Variants in PRDM14 observed in about 807,000 individuals in gnomAD.
PRDM14 encodes the protein PR domain zinc finger protein 14.
Under a neutral mutation model 48.0 loss-of-function variants are expected in PRDM14, and 16 were observed. That is an observed-to-expected ratio of 0.33 (90% CI 0.23 to 0.51). The LOEUF is 0.51. Among genes scored for constraint, PRDM14 ranks in the 20% least tolerant of loss-of-function variants. The pLI is 0.97. For synonymous variants in PRDM14, 264 were observed against 276.6 expected (o/e 0.95, Z 0.45); for missense variants, 566 against 719.6 (o/e 0.79, Z 2.44).
chr8:70,069,044 C>T (rs1585655119), intron 2 of PRDM14, 117 bp downstream of exon 2: 2 of 784,830 alleles, frequency 2.5e-6, no homozygotes, highest in Non-Finnish European at 4.0e-6. Context: ...GGAGGTACTT[C>T]CCCCTTCCCG....
At chr8:70,053,467 T>C (rs929861191) in intron 7 of PRDM14, among the ~76,000 whole-genome samples, 2 of 152,140 alleles carry the variant, frequency 1.3e-5, no homozygotes, top group Admixed American at 1.3e-4. Context: ...CTTGGCTCAC[T>C]GCAACCTCCA....
At chr8:70,070,179 G>A (rs1805742868) in intron 1 of PRDM14, among the ~76,000 whole-genome samples, 1 of 152,088 alleles carries the variant, frequency 6.6e-6, no homozygotes, top group African/African-American at 2.4e-5. Flanking sequence ...CCCTAAGCCC[G>A]GCCGCCTTCC....
intron 5 of PRDM14, among the ~76,000 whole-genome samples, chr8:70,061,664 A>G (rs1042198982): frequency 6.6e-6 from 1 of 152,190 alleles, no homozygotes; most frequent in African/African-American, 2.4e-5. Context: ...CAATTTTACA[A>G]ACCTAAGCAC....
chr8:70,054,810 C>T (rs574785556), intron 7 of PRDM14, among the ~76,000 whole-genome samples: 18 of 151,380 alleles, frequency 1.2e-4, no homozygotes, highest in African/African-American at 2.7e-4. Context: ...TGAGCCACCA[C>T]GCCTCCCCAC....
rs1243625483 is a variant in PRDM14, at chr8:70,069,622, G to C, written c.239C>G (p.Pro80Arg). 1.4e-5 allele frequency: 22 copies of C among 1,577,586 alleles called. No homozygotes were observed. The highest frequency in any genetic ancestry group is 1.9e-5 in the Non-Finnish European group (22 of 1,162,218). ...AGGCTCCCTCTGTAGGCCCAGACCC[G>C]GGCTCAGCAAGGGAGGCGCCATCCG... ...PFRMAPPLLS[P>R]GLGLQREPLY... The change falls in exon 2 of 8, where the codon CCG (proline) becomes CGG (arginine). Residue 80 changes from proline (P) to arginine (R), a missense_variant. This residue lies in a region of PRDM14 where 410 missense variants were observed against 424.6 expected (regional missense o/e 0.97). Transcript: ENST00000276594.
intron 6 of PRDM14, among the ~76,000 whole-genome samples, chr8:70,056,512 C>T (rs767365230): frequency 3.3e-5 from 5 of 152,124 alleles, no homozygotes; most frequent in African/African-American, 1.2e-4. Context: ...GGCAGAGCCT[C>T]GCTCTGTTGC....
At chr8:70,066,731 T>C (rs1003959140) in intron 4 of PRDM14, among the ~76,000 whole-genome samples, 1 of 152,108 alleles carries the variant, frequency 6.6e-6, no homozygotes, top group African/African-American at 2.4e-5. Context: ...ATTGGGTTTG[T>C]TTGTTTTTTT....
At chr8:70,070,238 AT>A (rs1451930994) in intron 1 of PRDM14, among the ~76,000 whole-genome samples, 1 of 151,992 alleles carries the variant, frequency 6.6e-6, no homozygotes, top group Non-Finnish European at 1.5e-5. Flanking sequence ...TGCAAAACCC[AT>A]TGAAGTTCCC....
intron 7 of PRDM14, among the ~76,000 whole-genome samples, chr8:70,054,515 ATTTTTTT>A (rs561179179): frequency 8.7e-6 from 1 of 115,028 alleles, no homozygotes. Context: ...TGAAATAGTG[ATTTTTTT>A]TTTTTTTTTT....
chr8:70,053,600 G>C (rs1805424620), intron 7 of PRDM14, among the ~76,000 whole-genome samples: 1 of 152,088 alleles, frequency 6.6e-6, no homozygotes, highest in African/African-American at 2.4e-5. Context: ...TGTCGGCCAG[G>C]CTGGTTTCAA....
At chr8:70,058,524 T>C (rs1341373254) in intron 6 of PRDM14, 116 bp downstream of exon 6, 1 of 814,262 alleles carries the variant, frequency 1.2e-6, no homozygotes, top group Admixed American at 2.0e-5. Flanking sequence ...TCAGAGAGGG[T>C]GTCCGTCAGG....
At chr8:70,064,606 G>A (rs547728141) in intron 5 of PRDM14, among the ~76,000 whole-genome samples, 1 of 147,546 alleles carries the variant, frequency 6.8e-6, no homozygotes, top group Admixed American at 6.9e-5. Context: ...CTCACTGCAA[G>A]CTCCCCCTGC....
chr8:70,064,670 G>A (rs1411410136), intron 5 of PRDM14, among the ~76,000 whole-genome samples: 1 of 151,774 alleles, frequency 6.6e-6, no homozygotes, highest in Non-Finnish European at 1.5e-5. Flanking sequence ...GACTACAGGG[G>A]CCCGCCACCA....
chr8:70,058,918 T>C (rs1805525274), intron 5 of PRDM14, 76 bp from the exon 6 acceptor site: 1 of 1,226,202 alleles, frequency 8.2e-7, no homozygotes, highest in Non-Finnish European at 1.1e-6. Context: ...TTTATTTATT[T>C]ATTTATTTTT....
rs148902231 is a variant in PRDM14, at chr8:70,069,207, G to T, written c.654C>A (p.Ser218Arg). ...GVTPSLEHPA[S>R]LHHAISGLLV... ...GGAGGCCTGAAATCGCATGGTGCAG[G>T]CTGGCTGGGTGCTCCAGGCTGGGAG... Residue 218 changes from serine (S) to arginine (R), a missense_variant, in exon 2 of 8, where the codon AGC becomes AGA. This residue lies in a region of PRDM14 where 410 missense variants were observed against 424.6 expected (regional missense o/e 0.97). Transcript: ENST00000276594. 9.6e-6 allele frequency: 15 copies of T among 1,563,466 alleles called. 1 individual carries two copies. The South Asian group carries it at 1.5e-4, about 16-fold the overall frequency.
chr8:70,059,978 A>G (rs2131037867), intron 5 of PRDM14, among the ~76,000 whole-genome samples: 1 of 151,948 alleles, frequency 6.6e-6, no homozygotes, highest in African/African-American at 2.4e-5. Flanking sequence ...CTGTAATCCC[A>G]GCTACTTGGG....
intron 5 of PRDM14, among the ~76,000 whole-genome samples, chr8:70,064,415 T>A (rs1258524718): frequency 6.6e-6 from 1 of 151,984 alleles, no homozygotes; most frequent in Non-Finnish European, 1.5e-5. Context: ...TTCCTCTCAG[T>A]CAGTACGCAC....
intron 6 of PRDM14, among the ~76,000 whole-genome samples, chr8:70,057,021 G>A (rs1338255136): frequency 1.2e-4 from 18 of 149,342 alleles, no homozygotes; most frequent in African/African-American, 4.2e-4. Context: ...GCTGGAGTGC[G>A]GTGGCGCGAT....
chr8:70,056,123 A>C (rs1422413997), intron 6 of PRDM14, among the ~76,000 whole-genome samples: 1 of 152,268 alleles, frequency 6.6e-6, no homozygotes, highest in Non-Finnish European at 1.5e-5. Context: ...CATGTAAGCC[A>C]ACATGGTAAT....
Sources: allele counts gnomAD v4.1 joint callset (sites outside exome capture counted in the v4.1 genomes callset), GRCh38; gene constraint gnomAD v4.1.1; regional missense constraint gnomAD v4.1.1; transcripts MANE v1.5; gene names NCBI Gene and HGNC (gene_info 2026-07-23, HGNC 2026-07-21).